Variants in AMN1 observed in about 807,000 individuals in gnomAD.
AMN1 encodes the protein protein AMN1 homolog.
Under a neutral mutation model 33.0 loss-of-function variants are expected in AMN1, and 20 were observed. That is an observed-to-expected ratio of 0.61 (90% CI 0.43 to 0.88). The LOEUF (loss-of-function observed/expected upper bound fraction) is 0.88, where lower values mean the gene tolerates loss of function less well. Among genes scored for constraint, AMN1 ranks in the 40% least tolerant of loss-of-function variants. The pLI is 0.00. For synonymous variants in AMN1, 114 were observed against 111.9 expected, an observed-to-expected ratio of 1.02 and a Z score of -0.12; for missense variants, 246 against 307.4, an observed-to-expected ratio of 0.80 and a Z score of 1.49.
At chr12:31,677,074 G>A (rs1014416334) in intron 6 of AMN1, among the ~76,000 whole-genome samples, 14 of 150,224 alleles carry the variant, frequency 9.3e-5, no homozygotes, top group East Asian at 3.9e-4. Context: ...CGAGACGGGC[G>A]GATCACGAGG....
At chr12:31,728,834 C>G in intron 1 of AMN1, 137 bp downstream of exon 1, 2 of 1,000,122 alleles carry the variant, frequency 2.0e-6, no homozygotes, top group Admixed American at 2.9e-5. Flanking sequence ...AACCCAGGGA[C>G]AGAAACACAC....
At chr12:31,698,779 G>T (rs1938850481) in intron 3 of AMN1, among the ~76,000 whole-genome samples, 1 of 151,680 alleles carries the variant, frequency 6.6e-6, no homozygotes, top group South Asian at 2.1e-4. Context: ...TTATTTATCA[G>T]TGTCCAGCAT....
At chr12:31,703,357 G>C (rs1204098474) in intron 2 of AMN1, among the ~76,000 whole-genome samples, 2 of 152,196 alleles carry the variant, frequency 1.3e-5, no homozygotes, top group Non-Finnish European at 2.9e-5. Context: ...GGGATATACT[G>C]CATGATGCTG....
At chr12:31,699,208 T>C (rs772563542) in intron 3 of AMN1, among the ~76,000 whole-genome samples, 3 of 151,476 alleles carry the variant, frequency 2.0e-5, no homozygotes, top group African/African-American at 7.3e-5. Context: ...CTGGCCAACA[T>C]GGTGAAACCC....
intron 1 of AMN1, among the ~76,000 whole-genome samples, chr12:31,725,753 T>G (rs1055665695): frequency 1.3e-5 from 2 of 152,232 alleles, no homozygotes; most frequent in Admixed American, 1.3e-4. Flanking sequence ...TGGAGTGCAG[T>G]AGCACCATCT....
chr12:31,688,819 T>TAAAA (rs1565766631), intron 6 of AMN1, among the ~76,000 whole-genome samples, 188 bp downstream of exon 6: 12 of 151,200 alleles, frequency 7.9e-5, no homozygotes, highest in Non-Finnish European at 1.5e-4. Flanking sequence ...TCCCAAAAAA[T>TAAAA]TAAAATAAAA....
intron 1 of AMN1, among the ~76,000 whole-genome samples, chr12:31,723,706 T>C (rs1299511739): frequency 6.6e-6 from 1 of 152,174 alleles, no homozygotes; most frequent in Admixed American, 6.5e-5. Context: ...TCTTTATGTG[T>C]TGTCTGTGGC....
At chr12:31,698,022 G>A in intron 3 of AMN1, 65 bp from the exon 4 acceptor site, 2 of 1,493,382 alleles carry the variant, frequency 1.3e-6, no homozygotes, top group Non-Finnish European at 1.9e-6. Flanking sequence ...TGAGAAATGT[G>A]ACTGATTTTC....
intron 5 of AMN1, among the ~76,000 whole-genome samples, chr12:31,695,767 G>A (rs1002097661): frequency 2.0e-5 from 3 of 151,398 alleles, no homozygotes; most frequent in Non-Finnish European, 4.4e-5. Flanking sequence ...GATTATAGGC[G>A]TGAGCCACCA....
At chr12:31,705,865 C>G (rs893122134) in intron 2 of AMN1, among the ~76,000 whole-genome samples, 3 of 152,262 alleles carry the variant, frequency 2.0e-5, no homozygotes, top group East Asian at 3.9e-4. Flanking sequence ...CAGAAGGATG[C>G]AAGTTAGTTC....
chr12:31,713,287 G>A (rs1256072915), intron 1 of AMN1, among the ~76,000 whole-genome samples: 2 of 151,958 alleles, frequency 1.3e-5, no homozygotes, highest in Non-Finnish European at 2.9e-5. Context: ...TATGTTTAAT[G>A]TATATATGTT....
At chr12:31,699,004 A>G (rs1938860207) in intron 3 of AMN1, among the ~76,000 whole-genome samples, 1 of 152,072 alleles carries the variant, frequency 6.6e-6, no homozygotes. Flanking sequence ...AAATCAAGTG[A>G]GTAGAGGGTT....
At chr12:31,693,515 C>G (rs1938591120) in intron 5 of AMN1, among the ~76,000 whole-genome samples, 1 of 151,628 alleles carries the variant, frequency 6.6e-6, no homozygotes, top group South Asian at 2.1e-4. Flanking sequence ...GCGTAAGCCA[C>G]CATGTCCAGC....
At chr12:31,689,250 A>G (rs1938400534) in intron 5 of AMN1, 132 bp from the exon 6 acceptor site, 2 of 645,180 alleles carry the variant, frequency 3.1e-6, no homozygotes, top group Non-Finnish European at 5.2e-6. Flanking sequence ...TATAGAAAAG[A>G]CCAATATAAG....
Position 31,697,680 on chromosome 12 carries a change from T to C in AMN1, c.534+60A>G, listed in dbSNP as rs1938791092. On this transcript the variant is annotated intron_variant, in intron 4 of 6. Transcript: ENST00000281471. ...ACTCCTTATGATATGTTCTCATTAG[T>C]CATGAAAATACATTTGGTAAACACA... is the stretch of plus-strand genomic sequence containing the variant. 5.5e-5 allele frequency: 84 copies of C among 1,521,012 alleles called. 2 individuals carry two copies. The South Asian group carries it at 9.1e-4, about 16-fold the overall frequency. 94.2% of individuals were successfully genotyped at this position (1,521,012 alleles called of 1,614,324 possible). A position where few individuals can be genotyped will look rare whatever the true frequency, so the allele number is the denominator to read the frequency against.
Position 31,672,260 on chromosome 12 carries a change from A to T in AMN1, c.*44T>A. 1 of 1,315,602 alleles carries T rather than the reference A, an allele frequency of 7.6e-7. No individual in the cohort carries two copies. Among genetic ancestry groups the T allele is most frequent in the Admixed American group, 2.0e-5 (1 of 50,516 alleles). 81.5% of individuals were successfully genotyped at this position (1,315,602 alleles called of 1,614,324 possible). ...TCTATAGATGGTTTCCTGGGAAAGT[A>T]GTTTTGATAAGCTTTCCTAGCATTG... On this transcript the variant is annotated 3_prime_UTR_variant, in exon 7 of 7. Coordinates refer to ENST00000281471, the MANE Select transcript of AMN1 (RefSeq NM_001113402.2).
Position 31,671,511 on chromosome 12 carries a change from C to A in AMN1, c.*793G>T, listed in dbSNP as rs1289994983. Reference sequence around the variant, plus strand: ...AATTTTGTGATTACCAAAAAGTTTTCACTTGAAAACTAAGACCTTTGCTGT... The same window carrying A: ...AATTTTGTGATTACCAAAAAGTTTTAACTTGAAAACTAAGACCTTTGCTGT... On this transcript the variant is annotated 3_prime_UTR_variant, in exon 7 of 7. Coordinates refer to ENST00000281471, the MANE Select transcript of AMN1 (RefSeq NM_001113402.2). The A allele has an allele frequency of 6.6e-6, 1 of 152,138 alleles. No homozygotes were observed. Among genetic ancestry groups the A allele is most frequent in the Non-Finnish European group, 1.5e-5 (1 of 68,020 alleles). The allele number at this position is 152,138 out of a possible 1,614,324, so 9.4% of individuals were successfully genotyped here.
chr12:31,672,350 A>G lies in AMN1; in HGVS notation c.731T>C (p.Leu244Ser). ...TTGCTTTAGTTTGTTTGGGCCTACT[A>G]ATTGCTCCAACACTTCTCGGGAATG... ...TDHSREVLEQ[L>S]VGPNKLKQVT... Residue 244 changes from leucine (L) to serine (S), a missense_variant, in exon 7 of 7, where the codon TTA (leucine) becomes TCA (serine). Transcript: ENST00000281471. 6.3e-7 allele frequency: 1 copy of G among 1,577,958 alleles called. No individual in the cohort carries two copies. The highest frequency in any genetic ancestry group is 8.6e-7 in the Non-Finnish European group (1 of 1,159,800).
At chr12:31,708,182 A>T (rs560093107) in intron 2 of AMN1, among the ~76,000 whole-genome samples, 12 of 152,286 alleles carry the variant, frequency 7.9e-5, no homozygotes, top group African/African-American at 2.6e-4. Flanking sequence ...TCTTGCAGAG[A>T]GCCTATAAAC....
Sources: gnomAD v4.1 joint callset for allele counts (sites outside exome capture counted in the v4.1 genomes callset) on GRCh38, gnomAD v4.1.1 for gene constraint, MANE v1.5 for transcripts, NCBI Gene and HGNC (gene_info 2026-07-23, HGNC 2026-07-21) for gene names.